The following LDAH variants were observed in gnomAD, a reference collection of about 807,000 sequenced individuals.
LDAH encodes the protein lipid droplet associated hydrolase, also known as lipid droplet-associated hydrolase.
Under a neutral mutation model 29.6 loss-of-function variants are expected in LDAH, and 26 were observed. The ratio of observed to expected loss-of-function variants is 0.88; its 90% CI spans 0.64 to 1.22. The LOEUF (loss-of-function observed/expected upper bound fraction) is 1.22. Ranked by LOEUF, LDAH falls within the 50% of genes most tolerant of loss-of-function variation. The pLI is 0.00. For synonymous variants in LDAH, 117 were observed against 133.0 expected (o/e 0.88, Z 0.83); for missense variants, 344 against 387.3 (o/e 0.89, Z 0.94).
In LDAH at chr2:20,684,252, A is replaced by T. The variant is rs2149315259; in HGVS notation, c.*2651T>A. 1 of 152,144 alleles carries T rather than the reference A, an allele frequency of 6.6e-6. No individual in the cohort carries two copies. The highest frequency in any genetic ancestry group is 6.5e-5 in the Admixed American group (1 of 15,268). The allele number at this position is 152,144 out of a possible 1,614,324, so 9.4% of individuals were successfully genotyped here. A position where few individuals can be genotyped will look rare whatever the true frequency, so the allele number is the denominator to read the frequency against. On this transcript the variant is annotated 3_prime_UTR_variant, in exon 7 of 7. Coordinates refer to ENST00000237822, the MANE Select transcript of LDAH (RefSeq NM_021925.4). ...ATCAGAAAATTAACAGTGGCATCTT[A>T]CTCCCAGCTAATCTTCAGACCTCAT...
intron 3 of LDAH, among the ~76,000 whole-genome samples, chr2:20,781,979 A>G (rs1291154913): frequency 1.3e-5 from 2 of 152,240 alleles, no homozygotes; most frequent in African/African-American, 4.8e-5. Context: ...GTTATAAATA[A>G]TAAGATGTCA....
Position 20,731,691 on chromosome 2 carries a change from G to A in LDAH, c.703+8280C>T, listed in dbSNP as rs340621. Among the ~76,000 whole-genome samples the A allele has an allele frequency of 9.5e-3, 1,445 of 152,014 alleles. 24 individuals carry two copies. The highest frequency in any genetic ancestry group is 0.033 in the African/African-American group (1,354 of 41,440). On this transcript the variant is annotated intron_variant, in intron 5 of 6. Coordinates refer to ENST00000237822, the MANE Select transcript of LDAH (RefSeq NM_021925.4). Reference sequence around the variant, plus strand: ...CCTAACAATTTAATTTTTCCGACTGGCTAAAAATGTACATTATATTTTAAA... The same window carrying A: ...CCTAACAATTTAATTTTTCCGACTGACTAAAAATGTACATTATATTTTAAA...
chr2:20,697,077 A>G (rs1441360023), intron 6 of LDAH, among the ~76,000 whole-genome samples: 4 of 152,012 alleles, frequency 2.6e-5, no homozygotes, highest in Non-Finnish European at 5.9e-5. Flanking sequence ...TATCTTTCTA[A>G]GCTTTACACC....
chr2:20,805,566 C>T (rs1003295438), intron 1 of LDAH, among the ~76,000 whole-genome samples: 3 of 152,096 alleles, frequency 2.0e-5, no homozygotes, highest in Non-Finnish European at 1.5e-5. Flanking sequence ...CAGCCTCAGC[C>T]CATAAGCAAT....
chr2:20,705,770 C>T (rs989454524), intron 5 of LDAH, among the ~76,000 whole-genome samples: 15 of 152,100 alleles, frequency 9.9e-5, no homozygotes, highest in African/African-American at 3.4e-4. Context: ...AAATGATTAG[C>T]AAGAACTTAG....
chr2:20,759,921 C>T (rs1668564348), intron 4 of LDAH, among the ~76,000 whole-genome samples: 1 of 152,208 alleles, frequency 6.6e-6, no homozygotes, highest in African/African-American at 2.4e-5. Flanking sequence ...TCTCAATATC[C>T]TACCACTATT....
intron 1 of LDAH, among the ~76,000 whole-genome samples, chr2:20,802,718 G>A (rs956843174): frequency 6.6e-6 from 1 of 152,074 alleles, no homozygotes; most frequent in African/African-American, 2.4e-5. Context: ...GTGCCCCTAC[G>A]CTTTTCTGCT....
chr2:20,744,869 C>T (rs773743340), intron 4 of LDAH, among the ~76,000 whole-genome samples: 5 of 152,068 alleles, frequency 3.3e-5, no homozygotes, highest in African/African-American at 4.8e-5. Context: ...GTTTTTCTAC[C>T]ATGGCACTGC....
chr2:20,785,145 G>A (rs755322948), intron 3 of LDAH, among the ~76,000 whole-genome samples: 1 of 152,186 alleles, frequency 6.6e-6, no homozygotes. Context: ...TTCCTTCTCC[G>A]ATGCTCTTCT....
At chr2:20,815,937 C>CA (rs1272982313) in intron 1 of LDAH, among the ~76,000 whole-genome samples, 2 of 151,958 alleles carry the variant, frequency 1.3e-5, no homozygotes, top group Non-Finnish European at 2.9e-5. Context: ...GTTATAACAA[C>CA]ATTTGATGTG....
At chr2:20,722,377 CAAAAAAAAAAAA>C (rs141440507) in intron 5 of LDAH, among the ~76,000 whole-genome samples, 1 of 70,842 alleles carries the variant, frequency 1.4e-5, no homozygotes, top group African/African-American at 5.7e-5. Context: ...GAAACTGTCT[CAAAAAAAAAAAA>C]AAAAAAAAAA....
At chr2:20,728,630 G>A (rs1300662996) in intron 5 of LDAH, among the ~76,000 whole-genome samples, 2 of 152,132 alleles carry the variant, frequency 1.3e-5, no homozygotes, top group African/African-American at 4.8e-5. Context: ...CAGCTTCTGT[G>A]AGGGTTATTG....
rs541337812 is a variant in LDAH at position 20,790,173 on chromosome 2, G to T, written c.298+82C>A. ...GCCACAAGCAGAGGTTTCCACTGGT[G>T]TAACTCTTAACCTTAGCAAGCTTGC... On this transcript the variant is annotated intron_variant, in intron 3 of 6. Transcript: ENST00000237822. The T allele has an allele frequency of 4.1e-6, 6 of 1,448,910 alleles. No homozygotes were observed. In the Admixed American group the frequency reaches 5.9e-5, roughly 14 times the overall value. 89.8% of individuals were successfully genotyped at this position (1,448,910 alleles called of 1,614,324 possible). A position where few individuals can be genotyped will look rare whatever the true frequency, so the allele number is the denominator to read the frequency against.
chr2:20,789,694 C>T (rs1037344553), intron 3 of LDAH, among the ~76,000 whole-genome samples: 11 of 152,170 alleles, frequency 7.2e-5, no homozygotes, highest in African/African-American at 2.4e-4. Flanking sequence ...GTCAGGAACC[C>T]GGCCACACAG....
At chr2:20,726,273 AAAGCTCCTCCTAG>A (rs1666009057) in intron 5 of LDAH, among the ~76,000 whole-genome samples, 1 of 152,228 alleles carries the variant, frequency 6.6e-6, no homozygotes, top group Non-Finnish European at 1.5e-5. Context: ...CTTTCACAGG[AAAGCTCCTCCTAG>A]CACATATTCT....
chr2:20,684,962 A>C lies in LDAH; in HGVS notation c.*1941T>G, dbSNP rs1189066817. 2 of 1,548,568 alleles carry C rather than the reference A, an allele frequency of 1.3e-6. No individual in the cohort carries two copies. The highest frequency in any genetic ancestry group is 2.4e-5 in the South Asian group (2 of 83,454). ...AATGAGAAAGGTGGCTTTTCACTTT[A>C]AAAGAGAGACTTTGAGCCGAGTCTA... is the stretch of plus-strand genomic sequence containing the variant. On this transcript the variant is annotated 3_prime_UTR_variant, in exon 7 of 7. Transcript: ENST00000237822.
chr2:20,766,135 T>C (rs914945892), intron 4 of LDAH, among the ~76,000 whole-genome samples: 3 of 152,232 alleles, frequency 2.0e-5, no homozygotes, highest in Non-Finnish European at 4.4e-5. Flanking sequence ...TCTACTATGT[T>C]ATCAACACAC....
chr2:20,786,139 C>T (rs1670531608), intron 3 of LDAH, among the ~76,000 whole-genome samples: 1 of 152,030 alleles, frequency 6.6e-6, no homozygotes, highest in Admixed American at 6.6e-5. Context: ...GTAAATAGAC[C>T]TTTTATGTGA....
At chr2:20,692,523 A>G (rs1663105929) in intron 6 of LDAH, among the ~76,000 whole-genome samples, 1 of 152,252 alleles carries the variant, frequency 6.6e-6, no homozygotes, top group Non-Finnish European at 1.5e-5. Context: ...TGTCTATTCA[A>G]TAGGACAGTA....
Sources: allele counts gnomAD v4.1 joint callset (sites outside exome capture counted in the v4.1 genomes callset), GRCh38; gene constraint gnomAD v4.1.1; transcripts MANE v1.5; gene names NCBI Gene and HGNC (gene_info 2026-07-23, HGNC 2026-07-21).